NAALADL2: variants seen among roughly 807,000 people sequenced by gnomAD.
NAALADL2 encodes the protein N-acetylated alpha-linked acidic dipeptidase like 2.
NAALADL2 carries 76 observed loss-of-function variants against 87.2 expected under a neutral mutation model. The ratio of observed to expected loss-of-function variants is 0.87; its 90% confidence interval spans 0.72 to 1.05. The LOEUF is 1.05. Among genes scored for constraint, NAALADL2 ranks in the 50% least tolerant of loss-of-function variants. The pLI is 0.00. For synonymous variants in NAALADL2, 354 were observed against 331.0 expected (o/e 1.07, Z -0.75); for missense variants, 1,089 against 945.8 (o/e 1.15, Z -1.99).
At chr3:175,354,462 A>AT (rs1476259264) in intron 5 of NAALADL2, among the ~76,000 whole-genome samples, 2 of 152,028 alleles carry the variant, frequency 1.3e-5, no homozygotes, top group African/African-American at 2.4e-5. Flanking sequence ...AGAAGAAAAT[A>AT]TTTTTTCAGA....
At position 174,662,344 on chromosome 3, in the gene NAALADL2, G is replaced by A. The variant is rs576220917; in HGVS notation, c.-114-75297G>A. Reference sequence around the variant, plus strand: ...TATTCATTACATAAAATTTATTAAGGATATTAAAATTAGAGTTTCTCCTGT... The same window carrying A: ...TATTCATTACATAAAATTTATTAAGAATATTAAAATTAGAGTTTCTCCTGT... On this transcript the variant is annotated intron_variant, in intron 2 of 3. Coordinates refer to the NAALADL2 transcript ENST00000434257. 4.4e-3 allele frequency among the ~76,000 whole-genome samples: 664 copies of A among 152,148 alleles called. 2 individuals carry two copies. Among genetic ancestry groups the A allele is most frequent in the Middle Eastern group, 6.8e-3 (2 of 294 alleles).
chr3:175,131,671 T>C (rs1170557857), intron 2 of NAALADL2, among the ~76,000 whole-genome samples: 5 of 152,052 alleles, frequency 3.3e-5, no homozygotes, highest in South Asian at 2.1e-4. Context: ...ACCTCCCAGA[T>C]GGGGTGGTGG....
At chr3:175,489,378 A>G (rs1221038499) in intron 9 of NAALADL2, among the ~76,000 whole-genome samples, 1 of 152,222 alleles carries the variant, frequency 6.6e-6, no homozygotes, top group Non-Finnish European at 1.5e-5. Context: ...ATAGCCATGT[A>G]TAGAATGAAG....
chr3:175,251,288 C>CT (rs1455743950), intron 3 of NAALADL2, among the ~76,000 whole-genome samples: 12 of 151,958 alleles, frequency 7.9e-5, no homozygotes, highest in South Asian at 2.1e-4. Context: ...TGTTTAGTTC[C>CT]TTGTTCTTGG....
intron 4 of NAALADL2, among the ~76,000 whole-genome samples, chr3:175,260,304 C>T (rs1465397360): frequency 6.6e-6 from 1 of 151,940 alleles, no homozygotes; most frequent in Non-Finnish European, 1.5e-5. Flanking sequence ...GAGACAGAGC[C>T]TTGCCACAAA....
chr3:174,909,292 G>T (rs151131007), intron 1 of NAALADL2, among the ~76,000 whole-genome samples: 263 of 152,116 alleles, frequency 1.7e-3, no homozygotes, highest in Non-Finnish European at 3.3e-3. Context: ...TACTTGGAAG[G>T]CTGAGACAGG....
chr3:175,684,708 G>A (rs1736032946), intron 11 of NAALADL2, among the ~76,000 whole-genome samples: 1 of 152,006 alleles, frequency 6.6e-6, no homozygotes, highest in South Asian at 2.1e-4. Context: ...GAGGCTGAGG[G>A]AAGAGAATCA....
At chr3:175,589,217 G>A (rs895139264) in intron 10 of NAALADL2, among the ~76,000 whole-genome samples, 7 of 152,118 alleles carry the variant, frequency 4.6e-5, no homozygotes, top group African/African-American at 1.7e-4. Flanking sequence ...TTTATATCTT[G>A]CAGAGATAAC....
At chr3:175,516,994 T>G (rs973677656) in intron 9 of NAALADL2, among the ~76,000 whole-genome samples, 2 of 152,218 alleles carry the variant, frequency 1.3e-5, no homozygotes, top group Admixed American at 6.5e-5. Context: ...CTGTATCTAT[T>G]TGTCTTTCTA....
intron 1 of NAALADL2, among the ~76,000 whole-genome samples, chr3:174,538,118 A>G (rs1336021659): frequency 6.6e-6 from 1 of 152,280 alleles, no homozygotes; most frequent in South Asian, 2.1e-4. Context: ...ACTATTTATA[A>G]CTATATACTC....
intron 2 of NAALADL2, among the ~76,000 whole-genome samples, chr3:175,206,557 G>T (rs1740951305): frequency 6.7e-6 from 1 of 149,036 alleles, no homozygotes; most frequent in Non-Finnish European, 1.5e-5. Context: ...GGACTTGGTG[G>T]GGAAGAGTGG....
intron 1 of NAALADL2, among the ~76,000 whole-genome samples, chr3:174,548,945 A>G (rs976044859): frequency 3.9e-5 from 6 of 152,164 alleles, no homozygotes; most frequent in Non-Finnish European, 8.8e-5. Flanking sequence ...GGCTCAGCTG[A>G]TCCTTCCACC....
chr3:175,169,758 T>A (rs1227223227), intron 2 of NAALADL2, among the ~76,000 whole-genome samples: 1 of 151,888 alleles, frequency 6.6e-6, no homozygotes, highest in African/African-American at 2.4e-5. Context: ...ACTTTGATGA[T>A]AGCTATTTTG....
intron 2 of NAALADL2, among the ~76,000 whole-genome samples, chr3:174,571,248 G>C (rs1714879806): frequency 1.3e-5 from 2 of 152,104 alleles, no homozygotes; most frequent in South Asian, 4.1e-4. Context: ...GCTAAAAATT[G>C]GGGTAAACTA....
chr3:175,375,777 C>A (rs1422608311), intron 5 of NAALADL2, among the ~76,000 whole-genome samples: 1 of 152,038 alleles, frequency 6.6e-6, no homozygotes, highest in African/African-American at 2.4e-5. Flanking sequence ...ATGTTTGCCT[C>A]ACATTTACCG....
chr3:175,686,895 C>A (rs186868667), intron 11 of NAALADL2, among the ~76,000 whole-genome samples: 10 of 152,244 alleles, frequency 6.6e-5, no homozygotes, highest in African/African-American at 2.4e-4. Context: ...TTGCTATGAA[C>A]AAGTTATCTT....
intron 1 of NAALADL2, among the ~76,000 whole-genome samples, chr3:174,454,590 C>T (rs909128276): frequency 2.6e-5 from 4 of 152,094 alleles, no homozygotes; most frequent in Non-Finnish European, 4.4e-5. Context: ...GAAATTTGCT[C>T]AAAACCGTAC....
Position 174,645,014 on chromosome 3 carries a change from G to T in NAALADL2, c.-114-92627G>T, listed in dbSNP as rs1723634600. 3.3e-5 allele frequency among the ~76,000 whole-genome samples: 5 copies of T among 152,326 alleles called. No individual in the cohort carries two copies. In the South Asian group the frequency reaches 1.0e-3, roughly 32 times the overall value. On this transcript the variant is annotated intron_variant, in intron 2 of 3. Transcript: ENST00000434257. ...CATTGGCAAGGTAGTGAAAGGATGA[G>T]AACACCTTCTTTCTTACTTTGCCAG...
At chr3:174,642,977 T>C (rs911317163) in intron 2 of NAALADL2, among the ~76,000 whole-genome samples, 3 of 151,944 alleles carry the variant, frequency 2.0e-5, no homozygotes, top group Non-Finnish European at 4.4e-5. Flanking sequence ...AGTCAGGGTC[T>C]CACTATGTTA....
Sources: gnomAD v4.1 joint callset for allele counts (sites outside exome capture counted in the v4.1 genomes callset) on GRCh38, gnomAD v4.1.1 for gene constraint, MANE v1.5 for transcripts, NCBI Gene and HGNC (gene_info 2026-07-23, HGNC 2026-07-21) for gene names.